The following ZNF75D variants were observed in gnomAD, a reference collection of about 807,000 sequenced individuals.
ZNF75D encodes the protein zinc finger protein 75.
Under a neutral mutation model 33.3 loss-of-function variants are expected in ZNF75D, and 33 were observed. That is an observed-to-expected ratio of 0.99 (90% CI 0.75 to 1.32). The LOEUF is 1.32. ZNF75D is among the 40% of genes most tolerant of loss of function. The probability of loss-of-function intolerance (pLI) is 0.00; values close to 1 mark genes in which losing one functional copy is unlikely to be tolerated. For synonymous variants in ZNF75D, 113 were observed against 130.6 expected (o/e 0.87, Z 0.92); for missense variants, 338 against 367.5 (o/e 0.92, Z 0.66).
intron 1 of ZNF75D, among the ~76,000 whole-genome samples, chrX:135,312,214 T>C (rs1378020156): frequency 9.0e-6 from 1 of 111,578 alleles, no homozygotes; most frequent in Non-Finnish European, 1.9e-5. Flanking sequence ...AGATCAACGT[T>C]TTTAGCTATC....
At position 135,288,997 on chromosome X, in the gene ZNF75D, A is replaced by G. The variant is rs190787649; in HGVS notation, c.824-1151T>C. Among the ~76,000 whole-genome samples the G allele has an allele frequency of 3.6e-5, 4 of 112,542 alleles. No individual in the cohort carries two copies. The East Asian group carries it at 1.1e-3, about 31-fold the overall frequency. On this transcript the variant is annotated intron_variant, in intron 6 of 6. Coordinates refer to ENST00000370766, the MANE Select transcript of ZNF75D (RefSeq NM_007131.5). Reference sequence around the variant, plus strand: ...CAGTGTAAACCTTGGTTGGTCCCTGAGTTCACTGATATTTGAGGTAATGGG... The same window carrying G: ...CAGTGTAAACCTTGGTTGGTCCCTGGGTTCACTGATATTTGAGGTAATGGG...
chrX:135,309,778 G>A (rs2084336933), intron 1 of ZNF75D: 1 of 286,603 alleles, frequency 3.5e-6, no homozygotes, highest in Admixed American at 6.3e-5. Flanking sequence ...CCATGTTTGA[G>A]CCATTAAAAC....
chrX:135,308,202 C>A (rs1380739685), intron 1 of ZNF75D, among the ~76,000 whole-genome samples: 1 of 112,189 alleles, frequency 8.9e-6, no homozygotes, highest in Non-Finnish European at 1.9e-5. Flanking sequence ...TGAGAGCAGT[C>A]GTGAGTAATC....
At chrX:135,280,606 G>A (rs1169447959) in intron 1 of ZNF75D, among the ~76,000 whole-genome samples, 1 of 112,153 alleles carries the variant, frequency 8.9e-6, no homozygotes, top group Non-Finnish European at 1.9e-5. Flanking sequence ...AATTTTGTAT[G>A]TTTTTGCAGT....
intron 3 of ZNF75D, 50 bp downstream of exon 3, chrX:135,293,680 A>T (rs782226327): frequency 9.3e-7 from 1 of 1,080,030 alleles, no homozygotes; most frequent in African/African-American, 1.9e-5. Context: ...ATTCTGATAT[A>T]TCCACTTTTA....
At chrX:135,256,875 G>T (rs1039131360) in intron 1 of ZNF75D, among the ~76,000 whole-genome samples, 1 of 112,129 alleles carries the variant, frequency 8.9e-6, no homozygotes. Flanking sequence ...GGGCAGAGTT[G>T]TAAGGCTCCT....
chrX:135,284,832 T>C (rs1048128014), downstream of ZNF75D, among the ~76,000 whole-genome samples: 1 of 111,863 alleles, frequency 8.9e-6, no homozygotes, highest in South Asian at 3.8e-4. Flanking sequence ...TGGGGGACTT[T>C]GCTGATTCTC....
At chrX:135,258,399 T>C (rs1556414836) in intron 1 of ZNF75D, among the ~76,000 whole-genome samples, 1 of 110,984 alleles carries the variant, frequency 9.0e-6, no homozygotes, top group African/African-American at 3.3e-5. Context: ...TGAACCAATT[T>C]ACACTCCCAT....
intron 1 of ZNF75D, among the ~76,000 whole-genome samples, chrX:135,336,447 T>A (rs1394320377): frequency 4.5e-5 from 5 of 112,241 alleles, no homozygotes; most frequent in Non-Finnish European, 9.4e-5. Flanking sequence ...ATCTGAGGAG[T>A]CTGGCTCCTG....
At chrX:135,280,011 G>C (rs1330725964) in intron 1 of ZNF75D, among the ~76,000 whole-genome samples, 19 of 110,913 alleles carry the variant, frequency 1.7e-4, no homozygotes, top group Non-Finnish European at 9.4e-5. Flanking sequence ...GCTTGGTCCA[G>C]AGCTGAGTTC....
intron 1 of ZNF75D, among the ~76,000 whole-genome samples, chrX:135,324,893 T>C (rs2084542361): frequency 9.0e-6 from 1 of 111,619 alleles, no homozygotes; most frequent in Admixed American, 9.4e-5. Context: ...GGAATGTCCT[T>C]TCCTGAGTGA....
chrX:135,293,339 G>C (rs2084074956), intron 3 of ZNF75D, among the ~76,000 whole-genome samples: 1 of 110,200 alleles, frequency 9.1e-6, no homozygotes, highest in African/African-American at 3.3e-5. Context: ...ACTTCTGTTT[G>C]CTAACCTCTC....
chrX:135,309,443 G>A, intron 1 of ZNF75D: 2 of 296,495 alleles, frequency 6.7e-6, no homozygotes, highest in Non-Finnish European at 1.2e-5. Flanking sequence ...TTCCTTGGTT[G>A]TGCTGTTTTA....
At chrX:135,296,790 A>T (rs1556423110) in intron 1 of ZNF75D, among the ~76,000 whole-genome samples, 1 of 112,126 alleles carries the variant, frequency 8.9e-6, no homozygotes, top group Admixed American at 9.4e-5. Context: ...GTATGACATG[A>T]CATGACTTCA....
chrX:135,301,494 T>C (rs1017555359), intron 1 of ZNF75D, among the ~76,000 whole-genome samples: 3 of 112,095 alleles, frequency 2.7e-5, no homozygotes, highest in African/African-American at 9.7e-5. Context: ...AGAAAATGCA[T>C]TACTTCCAAG....
chrX:135,314,145 T>C (rs782210456), intron 1 of ZNF75D, among the ~76,000 whole-genome samples: 4 of 112,118 alleles, frequency 3.6e-5, no homozygotes, highest in East Asian at 2.8e-4. Context: ...ATAGCGTTTA[T>C]TGTTTTGAGA....
Position 135,287,294 on chromosome X carries a change from A to G in ZNF75D, c.1376T>C (p.Ile459Thr). 2.5e-6 allele frequency: 3 copies of G among 1,212,015 alleles called. No individual in the cohort carries two copies. The highest frequency in any genetic ancestry group is 3.3e-6 in the Non-Finnish European group (3 of 895,567). The change falls in exon 7 of 7, where the codon ATT (isoleucine) becomes ACT (threonine). Residue 459 changes from isoleucine to threonine, a missense_variant. Ile to Thr is a moderately conservative substitution (Grantham distance 89, BLOSUM62 -1). Coordinates refer to ENST00000370766, the MANE Select transcript of ZNF75D (RefSeq NM_007131.5). ...FKCDECGKRF[I>T]QNSHLIKHQR... The stretch of plus-strand genomic sequence containing the variant: ...GTGTTTAATAAGGTGGGAGTTCTGA[A>G]TGAATCTTTTTCCACATTCATCACA...
chrX:135,260,265 T>C (rs2083833333), intron 1 of ZNF75D, among the ~76,000 whole-genome samples: 1 of 112,019 alleles, frequency 8.9e-6, no homozygotes, highest in African/African-American at 3.2e-5. Flanking sequence ...CTTTTTTTGT[T>C]GTGTCTCTGC....
intron 6 of ZNF75D, among the ~76,000 whole-genome samples, chrX:135,288,451 T>C (rs1336882368): frequency 1.8e-5 from 2 of 112,626 alleles, no homozygotes; most frequent in African/African-American, 6.4e-5. Context: ...GGCTGCATTT[T>C]TGAGCATTAA....
Sources: allele counts gnomAD v4.1 joint callset (sites outside exome capture counted in the v4.1 genomes callset), GRCh38; gene constraint gnomAD v4.1.1; transcripts MANE v1.5; gene names NCBI Gene and HGNC (gene_info 2026-07-23, HGNC 2026-07-21).